FLRT1: variants seen among roughly 807,000 people sequenced by gnomAD.
FLRT1 encodes the protein fibronectin leucine rich transmembrane protein 1.
Under a neutral mutation model 30.9 loss-of-function variants are expected in FLRT1, and 14 were observed. The observed-to-expected ratio is 0.45, with a 90% CI of 0.30 to 0.71. The LOEUF is 0.71. Ranked by LOEUF, FLRT1 falls within the 30% of genes least tolerant of loss-of-function variation. The probability of loss-of-function intolerance (pLI) is 0.08; values close to 1 mark genes in which losing one functional copy is unlikely to be tolerated. For synonymous variants in FLRT1, 368 were observed against 430.4 expected (o/e 0.85, Z 1.80); for missense variants, 737 against 949.2 (o/e 0.78, Z 2.94).
chr11:64,057,251 A>T (rs1943803865), intron 1 of FLRT1, among the ~76,000 whole-genome samples: 1 of 152,230 alleles, frequency 6.6e-6, no homozygotes, highest in Non-Finnish European at 1.5e-5. Flanking sequence ...AGGGGACGGG[A>T]CAGCCCATTG....
chr11:64,077,416 C>T (rs575561494), intron 1 of FLRT1, among the ~76,000 whole-genome samples: 3 of 152,300 alleles, frequency 2.0e-5, no homozygotes, highest in East Asian at 1.9e-4. Flanking sequence ...AGCTGTGCCC[C>T]GTCCTCGGAT....
intron 2 of FLRT1, among the ~76,000 whole-genome samples, chr11:64,112,032 C>A (rs1434788883): frequency 6.6e-6 from 1 of 152,218 alleles, no homozygotes; most frequent in South Asian, 2.1e-4. Flanking sequence ...GGAATCCAGA[C>A]CCCACCTCCT....
At chr11:64,101,332 A>G (rs1400318630) in intron 1 of FLRT1, among the ~76,000 whole-genome samples, 1 of 152,180 alleles carries the variant, frequency 6.6e-6, no homozygotes, top group African/African-American at 2.4e-5. Flanking sequence ...CTCAGGATAA[A>G]GCCGAGAAGC....
intron 1 of FLRT1, among the ~76,000 whole-genome samples, chr11:64,063,021 A>T (rs2134442753): frequency 6.6e-6 from 1 of 152,266 alleles, no homozygotes; most frequent in Middle Eastern, 3.4e-3. Flanking sequence ...GCTGTGAGGG[A>T]TTCAGTGAGA....
chr11:64,047,172 C>A (rs1006056216), intron 1 of FLRT1, among the ~76,000 whole-genome samples: 12 of 152,178 alleles, frequency 7.9e-5, no homozygotes, highest in Admixed American at 2.0e-4. Flanking sequence ...CTGCCTCCAC[C>A]CACCTGTGGT....
chr11:64,059,731 A>G (rs1361490020), intron 1 of FLRT1, among the ~76,000 whole-genome samples: 1 of 152,194 alleles, frequency 6.6e-6, no homozygotes, highest in Non-Finnish European at 1.5e-5. Context: ...CTCCCAGCTG[A>G]GGCAAACGCA....
intron 1 of FLRT1, among the ~76,000 whole-genome samples, chr11:64,069,295 A>T (rs1944062614): frequency 6.6e-6 from 1 of 152,184 alleles, no homozygotes; most frequent in African/African-American, 2.4e-5. Context: ...AGGTGCTGCC[A>T]GGCCTGGATG....
Position 64,096,477 on chromosome 11 carries a change from A to G in FLRT1, c.-1037-6717A>G, listed in dbSNP as rs1173376344. 6.6e-6 allele frequency among the ~76,000 whole-genome samples: 1 copy of G among 150,974 alleles called. No individual in the cohort carries two copies. The highest frequency in any genetic ancestry group is 1.5e-5 in the Non-Finnish European group (1 of 67,756). ...GCCCAGGATGATGAAGTGCAGTGGT[A>G]TGATCTCGGCTCACTGCAACCTCCG... On this transcript the variant is annotated intron_variant, in intron 1 of 2. Coordinates refer to ENST00000682287, the MANE Select transcript of FLRT1 (RefSeq NM_013280.5). The surrounding 1 kb of genome is among the most constrained non-coding windows in gnomAD (Gnocchi z 4.6).
intron 1 of FLRT1, among the ~76,000 whole-genome samples, chr11:64,038,703 G>A (rs1347981452): frequency 1.3e-5 from 2 of 152,316 alleles, no homozygotes; most frequent in Non-Finnish European, 2.9e-5. Flanking sequence ...GTATGGGACT[G>A]TGTGGGTCTG....
Position 64,036,789 on chromosome 11 carries a change from G to A in FLRT1, c.-1038+630G>A, listed in dbSNP as rs1318200165. On this transcript the variant is annotated intron_variant, in intron 1 of 2. Coordinates refer to ENST00000682287, the MANE Select transcript of FLRT1 (RefSeq NM_013280.5). The surrounding 1 kb of genome is among the most constrained non-coding windows in gnomAD (Gnocchi z 5.6). ...GCGGCTGGAACGGTGAGACCATGGTGCCTGGGCGGGGGGCGGCGGGCACCC... is the reference window on the plus strand; with the variant it reads ...GCGGCTGGAACGGTGAGACCATGGTACCTGGGCGGGGGGCGGCGGGCACCC... Among the ~76,000 whole-genome samples, 1 of 152,196 alleles carries A rather than the reference G, an allele frequency of 6.6e-6. No individual in the cohort carries two copies. Among genetic ancestry groups the A allele is most frequent in the African/African-American group, 2.4e-5 (1 of 41,456 alleles).
chr11:64,102,544 G>A (rs1393069467), intron 1 of FLRT1, among the ~76,000 whole-genome samples: 1 of 152,228 alleles, frequency 6.6e-6, no homozygotes, highest in Non-Finnish European at 1.5e-5. Flanking sequence ...AAGAGCAGGT[G>A]CCGGGGGAAT....
intron 2 of FLRT1, among the ~76,000 whole-genome samples, chr11:64,113,888 A>ATGGC (rs1944913820): frequency 6.8e-6 from 1 of 147,994 alleles, no homozygotes; most frequent in African/African-American, 2.5e-5. Flanking sequence ...GGATGGATGG[A>ATGGC]TGGATGGATG....
intron 2 of FLRT1, among the ~76,000 whole-genome samples, chr11:64,107,083 C>T (rs1470226057): frequency 1.3e-5 from 2 of 152,158 alleles, no homozygotes; most frequent in Admixed American, 6.5e-5. Context: ...AGAGTTTCGC[C>T]ATGTTGACCA....
rs1212087044 is a variant in FLRT1, at chr11:64,118,031, G to A, written c.1764G>A (p.Arg588=). The A allele has an allele frequency of 6.2e-7, 1 of 1,613,670 alleles. No individual in the cohort carries two copies. The highest frequency in any genetic ancestry group is 1.7e-5 in the Admixed American group (1 of 60,030). Residue 588 remains arginine (R), a synonymous_variant, in exon 3 of 3, where the codon AGG becomes AGA. Transcript: ENST00000682287. ...HQAGELLTRE[R]AYNRGSRKKD... is the part of the protein sequence containing the mutation. The stretch of plus-strand genomic sequence containing the variant: ...CTGGCGAGCTGCTGACCCGGGAGAG[G>A]GCCTACAACCGGGGCAGCAGGAAAA...
At chr11:64,107,251 A>C (rs2134579207) in intron 2 of FLRT1, among the ~76,000 whole-genome samples, 1 of 152,368 alleles carries the variant, frequency 6.6e-6, no homozygotes, top group South Asian at 2.1e-4. Context: ...AAAAATGGAC[A>C]CAGACAGACA....
chr11:64,092,227 G>A (rs1033379463), intron 1 of FLRT1, among the ~76,000 whole-genome samples: 4 of 152,196 alleles, frequency 2.6e-5, no homozygotes, highest in Non-Finnish European at 5.9e-5. Flanking sequence ...CGTCTCCCCT[G>A]TTCTTGTCTT....
rs567076539 is a variant in FLRT1 at position 64,065,125 on chromosome 11, C to T, written c.-1038+28966C>T. On this transcript the variant is annotated intron_variant, in intron 1 of 2. Coordinates refer to ENST00000682287, the MANE Select transcript of FLRT1 (RefSeq NM_013280.5). ...GAGAGACTTCCCAGAGGAGAACGGGCTACACGTGGGCCTGGAGGTGAGGTA... is the reference window on the plus strand; with the variant it reads ...GAGAGACTTCCCAGAGGAGAACGGGTTACACGTGGGCCTGGAGGTGAGGTA... 2.0e-5 allele frequency among the ~76,000 whole-genome samples: 3 copies of T among 152,330 alleles called. No homozygotes were observed. The East Asian group carries it at 5.8e-4, about 29-fold the overall frequency.
In FLRT1 at chr11:64,118,177, C is replaced by A; in HGVS notation, c.1910C>A (p.Thr637Asn). The change falls in exon 3 of 3, where the codon ACT (threonine) becomes AAT (asparagine). Residue 637 changes from threonine to asparagine, a missense_variant. Transcript: ENST00000682287. ...YRAKEEYVVH[T>N]IFPSNGSSLC... ...GCCAAAGAAGAGTACGTGGTCCACA[C>A]TATCTTCCCCTCCAACGGCAGCAGC... 10 of 1,613,652 alleles carry A rather than the reference C, an allele frequency of 6.2e-6. No individual in the cohort carries two copies. The highest frequency in any genetic ancestry group is 2.2e-5 in the East Asian group (1 of 44,890).
intron 1 of FLRT1, among the ~76,000 whole-genome samples, chr11:64,091,225 CA>C (rs1944484604): frequency 6.6e-6 from 1 of 151,956 alleles, no homozygotes; most frequent in Non-Finnish European, 1.5e-5. Flanking sequence ...GCCTCCGCTG[CA>C]GGGTCTGCAG....
Sources: allele counts gnomAD v4.1 joint callset (sites outside exome capture counted in the v4.1 genomes callset), GRCh38; gene constraint gnomAD v4.1.1; non-coding constraint Gnocchi (gnomAD v3.1); transcripts MANE v1.5; gene names NCBI Gene and HGNC (gene_info 2026-07-23, HGNC 2026-07-21).